EFCAB6: variants seen among roughly 807,000 people sequenced by gnomAD.
EFCAB6 encodes the protein EF-hand calcium-binding domain-containing protein 6.
A neutral mutation model predicts 169.8 loss-of-function variants in EFCAB6; 156 were observed. That is an observed-to-expected ratio of 0.92 (90% confidence interval 0.81 to 1.05). EFCAB6 has a LOEUF of 1.05. Among genes scored for constraint, EFCAB6 ranks in the 50% least tolerant of loss-of-function variants. EFCAB6 has a pLI of 0.00. For synonymous variants in EFCAB6, 698 were observed against 676.4 expected, an observed-to-expected ratio of 1.03 and a Z score of -0.50; for missense variants, 1,800 against 1,829.1, an observed-to-expected ratio of 0.98 and a Z score of 0.29.
rs1462031491 is a variant in EFCAB6 at position 43,557,260 on chromosome 22, A to G, written c.3421-2164T>C. On this transcript the variant is annotated intron_variant, in intron 26 of 31. Transcript: ENST00000262726. Reference sequence around the variant, plus strand: ...GGCTCCCCTGAGATGATGTATATGAATGTTCTCTGAAAGTATTAAAGCATG... The same window carrying G: ...GGCTCCCCTGAGATGATGTATATGAGTGTTCTCTGAAAGTATTAAAGCATG... Among the ~76,000 whole-genome samples the G allele has an allele frequency of 2.6e-5, 4 of 152,220 alleles. No homozygotes were observed. In the East Asian group the frequency reaches 7.7e-4, roughly 29 times the overall value.
rs1477525614 is a variant in EFCAB6, at chr22:43,556,227, G to A, written c.3421-1131C>T. Among the ~76,000 whole-genome samples, 3 of 152,098 alleles carry A rather than the reference G, an allele frequency of 2.0e-5. No individual in the cohort carries two copies. The East Asian group carries it at 5.8e-4, about 29-fold the overall frequency. ...AAGAGGCAGGGGTCAGGGGTGGGGG[G>A]AAATGGGCAGGGCCTGGGAAGCAGC... On this transcript the variant is annotated intron_variant, in intron 26 of 31. Coordinates refer to ENST00000262726, the MANE Select transcript of EFCAB6 (RefSeq NM_022785.4).
intron 10 of EFCAB6, among the ~76,000 whole-genome samples, chr22:43,711,195 G>C (rs1440180758): frequency 6.6e-6 from 1 of 152,164 alleles, no homozygotes; most frequent in East Asian, 1.9e-4. Flanking sequence ...TTTAGAGAGA[G>C]AGGGAAATAT....
At chr22:43,580,743 G>A in intron 24 of EFCAB6, 84 bp from the exon 25 acceptor site, 1 of 1,391,874 alleles carries the variant, frequency 7.2e-7, no homozygotes, top group Admixed American at 2.0e-5. Flanking sequence ...TGAGCACATT[G>A]GGCAATGTGG....
rs1020724785 is a variant in EFCAB6 at position 43,628,794 on chromosome 22, T to C, written c.2233-2115A>G. ...CCCTGACTGGCCTCCCACGATCCTC[T>C]ACTTTTCTCTTTGGCACATGTCACC... On this transcript the variant is annotated intron_variant, in intron 19 of 31. Coordinates refer to ENST00000262726, the MANE Select transcript of EFCAB6 (RefSeq NM_022785.4). This position sits in a 1 kb window ranked among gnomAD's most constrained non-coding sequence, Gnocchi z 4.8. 2.0e-5 allele frequency among the ~76,000 whole-genome samples: 3 copies of C among 152,166 alleles called. No individual in the cohort carries two copies. The highest frequency in any genetic ancestry group is 2.9e-5 in the Non-Finnish European group (2 of 68,022).
intron 26 of EFCAB6, chr22:43,570,196 A>T (rs2049761197): frequency 6.6e-6 from 1 of 152,196 alleles, no homozygotes. Flanking sequence ...ATTTCCACGC[A>T]AAGTGAGGAA....
chr22:43,783,350 C>A (rs1368177899), intron 2 of EFCAB6, among the ~76,000 whole-genome samples: 1 of 152,148 alleles, frequency 6.6e-6, no homozygotes, highest in Non-Finnish European at 1.5e-5. Flanking sequence ...TCTAGGAAGT[C>A]ACTCAGTACA....
Position 43,764,017 on chromosome 22 carries a change from C to T in EFCAB6, c.440+1288G>A, listed in dbSNP as rs987086836. Among the ~76,000 whole-genome samples, 6 of 152,168 alleles carry T rather than the reference C, an allele frequency of 3.9e-5. No individual in the cohort carries two copies. In the South Asian group the frequency reaches 6.2e-4, roughly 16 times the overall value. On this transcript the variant is annotated intron_variant, in intron 5 of 31. Transcript: ENST00000262726. ...GGCTCAAGTGATCCTCTCACCTCAGCCTCCCAAAGTGCTGGGGTTATAGTG... is the reference window on the plus strand; with the variant it reads ...GGCTCAAGTGATCCTCTCACCTCAGTCTCCCAAAGTGCTGGGGTTATAGTG...
intron 6 of EFCAB6, among the ~76,000 whole-genome samples, chr22:43,739,330 T>C (rs1440086457): frequency 6.6e-6 from 1 of 152,212 alleles, no homozygotes; most frequent in East Asian, 1.9e-4. Flanking sequence ...CCAGAGCCAA[T>C]GCTCTCTCTC....
At chr22:43,551,097 G>A (rs976059311) in intron 27 of EFCAB6, among the ~76,000 whole-genome samples, 2 of 152,184 alleles carry the variant, frequency 1.3e-5, no homozygotes, top group African/African-American at 4.8e-5. Flanking sequence ...GGAGTTAAGT[G>A]TAATTTAATA....
Position 43,599,009 on chromosome 22 carries a change from CCTTCT to C in EFCAB6, c.2876+1055_2876+1059del. 2.0e-5 allele frequency among the ~76,000 whole-genome samples: 3 copies of C among 152,148 alleles called. 1 individual carries two copies. The highest frequency in any genetic ancestry group is 7.2e-5 in the African/African-American group (3 of 41,512). On this transcript the variant is annotated intron_variant, in intron 23 of 31. Coordinates refer to ENST00000262726, the MANE Select transcript of EFCAB6 (RefSeq NM_022785.4). ...CCCACCATCCAAATCCAGTGGGGTA[CCTTCT>C]GCACAGCATCTTCTGGTCCCAGGCA... is the stretch of plus-strand genomic sequence containing the variant.
At chr22:43,541,966 A>C (rs2047758413) in intron 27 of EFCAB6, among the ~76,000 whole-genome samples, 1 of 152,244 alleles carries the variant, frequency 6.6e-6, no homozygotes, top group South Asian at 2.1e-4. Flanking sequence ...GGTCAGACCC[A>C]GGGGAAGGAT....
chr22:43,613,770 TAAAGA>T (rs2053493561), intron 21 of EFCAB6, among the ~76,000 whole-genome samples: 1 of 152,072 alleles, frequency 6.6e-6, no homozygotes, highest in Non-Finnish European at 1.5e-5. Context: ...AAATAAAAGT[TAAAGA>T]AAACTACAAT....
chr22:43,595,650 C>T (rs890038156), intron 23 of EFCAB6, among the ~76,000 whole-genome samples: 2 of 152,106 alleles, frequency 1.3e-5, no homozygotes, highest in African/African-American at 4.8e-5. Flanking sequence ...GGCTTCACTG[C>T]TAAAATCTAC....
chr22:43,547,478 G>A (rs2048125913), intron 27 of EFCAB6, among the ~76,000 whole-genome samples: 1 of 152,134 alleles, frequency 6.6e-6, no homozygotes, highest in African/African-American at 2.4e-5. Context: ...AGTGGCTCAC[G>A]CCTGTAATCC....
chr22:43,758,589 CAT>C (rs755408442), intron 5 of EFCAB6, among the ~76,000 whole-genome samples: 110 of 152,280 alleles, frequency 7.2e-4, no homozygotes, highest in Admixed American at 1.9e-3. Flanking sequence ...ATTTAACACA[CAT>C]AGACATTTTT....
intron 18 of EFCAB6, among the ~76,000 whole-genome samples, chr22:43,633,703 C>T (rs2147903453): frequency 6.6e-6 from 1 of 152,332 alleles, no homozygotes; most frequent in East Asian, 1.9e-4. Context: ...GCACCTGTTG[C>T]TCCTGCGCCC....
chr22:43,666,707 T>TTG (rs1227005027), intron 17 of EFCAB6, among the ~76,000 whole-genome samples: 5 of 148,270 alleles, frequency 3.4e-5, no homozygotes, highest in African/African-American at 1.2e-4. Context: ...TTTTTTTTTT[T>TTG]TTTTTTTTCA....
At chr22:43,777,707 T>A (rs2061684665) in intron 3 of EFCAB6, among the ~76,000 whole-genome samples, 1 of 152,234 alleles carries the variant, frequency 6.6e-6, no homozygotes, top group Non-Finnish European at 1.5e-5. Context: ...ACTTCTCATA[T>A]ATATTTTTAG....
intron 8 of EFCAB6, among the ~76,000 whole-genome samples, chr22:43,726,208 T>G (rs1202495354): frequency 6.7e-6 from 1 of 148,294 alleles, no homozygotes; most frequent in Non-Finnish European, 1.5e-5. Context: ...AAACTGAAAT[T>G]GTATCCTAGA....
Sources: allele counts gnomAD v4.1 joint callset (sites outside exome capture counted in the v4.1 genomes callset), GRCh38; gene constraint gnomAD v4.1.1; non-coding constraint Gnocchi (gnomAD v3.1); transcripts MANE v1.5; gene names NCBI Gene and HGNC (gene_info 2026-07-23, HGNC 2026-07-21).